Variants in GTF2H1 observed in about 807,000 individuals in gnomAD.
GTF2H1 encodes the protein BTF2 p62.
A neutral mutation model predicts 71.2 loss-of-function variants in GTF2H1; 16 were observed. The observed-to-expected ratio is 0.22, with a 90% CI of 0.15 to 0.34. The LOEUF (loss-of-function observed/expected upper bound fraction) is 0.34, where lower values mean the gene tolerates loss of function less well. Among genes scored for constraint, GTF2H1 ranks in the 10% least tolerant of loss-of-function variants. GTF2H1 has a pLI of 1.00. For missense variants in GTF2H1, 498 were observed against 648.2 expected (o/e 0.77, Z 2.52); for synonymous variants, 215 against 219.0 (o/e 0.98, Z 0.16).
intron 14 of GTF2H1, 159 bp downstream of exon 14, chr11:18,360,866 C>T (rs922873803): frequency 8.5e-5 from 44 of 518,868 alleles, no homozygotes; most frequent in Admixed American, 4.3e-5. Context: ...AGTACAGTGG[C>T]TCCATCTCAG....
chr11:18,363,414 C>G (rs575218190), intron 14 of GTF2H1, among the ~76,000 whole-genome samples: 1 of 152,146 alleles, frequency 6.6e-6, no homozygotes, highest in South Asian at 2.1e-4. Context: ...TAATGTGCTG[C>G]TGTATGATGT....
chr11:18,361,185 A>G (rs910051362), intron 14 of GTF2H1, among the ~76,000 whole-genome samples: 5 of 152,162 alleles, frequency 3.3e-5, no homozygotes, highest in South Asian at 2.1e-4. Flanking sequence ...AAATACATAC[A>G]TATTTTTTAA....
At chr11:18,360,861 A>G in intron 14 of GTF2H1, 154 bp downstream of exon 14, 15 of 533,590 alleles carry the variant, frequency 2.8e-5, no homozygotes, top group Non-Finnish European at 4.8e-5. Context: ...GCTGGAGTAC[A>G]GTGGCTCCAT....
intron 9 of GTF2H1, 70 bp from the exon 10 acceptor site, chr11:18,351,811 T>G: frequency 1.2e-6 from 1 of 842,594 alleles, no homozygotes; most frequent in Non-Finnish European, 2.0e-6. Context: ...ACAGTTTTGT[T>G]TTTTCAGTCA....
intron 9 of GTF2H1, 110 bp downstream of exon 9, chr11:18,348,029 GATGTTAAGCATTTGGCTTAAA>G: frequency 1.3e-6 from 1 of 787,894 alleles, no homozygotes; most frequent in South Asian, 1.5e-5. Flanking sequence ...TTCTAACTAA[GATGTTAAGCATTTGGCTTAAA>G]GTGTATAGCA....
chr11:18,355,228 C>T (rs1459374244), intron 11 of GTF2H1, among the ~76,000 whole-genome samples: 10 of 151,092 alleles, frequency 6.6e-5, no homozygotes, highest in African/African-American at 9.7e-5. Context: ...CTGCAAGCTC[C>T]GCCTCCCAGG....
chr11:18,359,837 A>T (rs1365887034), intron 13 of GTF2H1, among the ~76,000 whole-genome samples: 2 of 151,360 alleles, frequency 1.3e-5, no homozygotes, highest in Non-Finnish European at 2.9e-5. Flanking sequence ...CAGCCTCTCT[A>T]GTAGCTGGGA....
At chr11:18,325,989 C>G (rs4150548) in intron 1 of GTF2H1, 1 of 152,064 alleles carries the variant, frequency 6.6e-6, no homozygotes, top group African/African-American at 2.4e-5. Flanking sequence ...GGAATACACT[C>G]AAGAAAAACC....
intron 4 of GTF2H1, among the ~76,000 whole-genome samples, 200 bp downstream of exon 4, chr11:18,338,474 C>T (rs1313430877): frequency 6.6e-6 from 1 of 152,156 alleles, no homozygotes; most frequent in Non-Finnish European, 1.5e-5. Flanking sequence ...GACAGGGTCT[C>T]ACTCTGTCAC....
At chr11:18,355,277 G>A (rs1391454117) in intron 11 of GTF2H1, among the ~76,000 whole-genome samples, 1 of 150,974 alleles carries the variant, frequency 6.6e-6, no homozygotes, top group Non-Finnish European at 1.5e-5. Flanking sequence ...GGAGTAGCTG[G>A]GACTATAGGC....
At chr11:18,357,921 A>G in intron 11 of GTF2H1, 31 bp from the exon 12 acceptor site, 1 of 1,358,694 alleles carries the variant, frequency 7.4e-7, no homozygotes. Flanking sequence ...AGGGAGGAAA[A>G]CCAGTTTTAA....
chr11:18,322,798 A>G (rs1486900018), intron 1 of GTF2H1, 58 bp downstream of exon 1: 1 of 152,304 alleles, frequency 6.6e-6, no homozygotes, highest in Non-Finnish European at 1.5e-5. Flanking sequence ...AGGAGCTGAC[A>G]GGCCTGGGGG....
chr11:18,352,566 T>G, intron 11 of GTF2H1, 120 bp downstream of exon 11: 1 of 501,048 alleles, frequency 2.0e-6, no homozygotes, highest in East Asian at 3.2e-5. Context: ...ATAGTTCTGC[T>G]AAATAAATTG....
intron 14 of GTF2H1, 56 bp downstream of exon 14, chr11:18,360,763 G>A (rs1420156312): frequency 8.9e-6 from 8 of 901,344 alleles, no homozygotes; most frequent in Middle Eastern, 2.2e-4. Flanking sequence ...GTAAAATGAT[G>A]AAATTGATTT....
At chr11:18,337,622 TTAAACA>T (rs1381317118) in intron 3 of GTF2H1, among the ~76,000 whole-genome samples, 1 of 152,118 alleles carries the variant, frequency 6.6e-6, no homozygotes, top group Non-Finnish European at 1.5e-5. Flanking sequence ...AGTACGATAA[TTAAACA>T]TAATACAAAT....
intron 3 of GTF2H1, among the ~76,000 whole-genome samples, chr11:18,337,292 A>G (rs1423000147): frequency 2.0e-5 from 3 of 152,160 alleles, no homozygotes; most frequent in Admixed American, 2.0e-4. Context: ...CTATGTATAC[A>G]AAAATTAGCT....
At chr11:18,344,864 C>T (rs139134312) in intron 7 of GTF2H1, among the ~76,000 whole-genome samples, 111 of 152,162 alleles carry the variant, frequency 7.3e-4, no homozygotes, top group African/African-American at 2.6e-3. Flanking sequence ...TGATCTTCTA[C>T]CTGCTTGTTC....
At chr11:18,341,687 T>A in intron 7 of GTF2H1, 80 bp downstream of exon 7, 1 of 834,896 alleles carries the variant, frequency 1.2e-6, no homozygotes, top group Non-Finnish European at 1.9e-6. Flanking sequence ...AGTAGACCTA[T>A]TCCACTTGTG....
intron 11 of GTF2H1, among the ~76,000 whole-genome samples, chr11:18,356,299 G>A (rs1865542907): frequency 6.6e-6 from 1 of 150,866 alleles, no homozygotes; most frequent in Non-Finnish European, 1.5e-5. Flanking sequence ...AATTGCTTGA[G>A]CCTGGGAGGC....
Sources: gnomAD v4.1 joint callset for allele counts (sites outside exome capture counted in the v4.1 genomes callset) on GRCh38, gnomAD v4.1.1 for gene constraint, MANE v1.5 for transcripts, NCBI Gene and HGNC (gene_info 2026-07-23, HGNC 2026-07-21) for gene names.